MED26: variants seen among roughly 807,000 people sequenced by gnomAD.
MED26 encodes mediator of RNA polymerase II transcription subunit 26.
In MED26, 7 loss-of-function variants were observed where a neutral mutation model predicts 43.7. The ratio of observed to expected loss-of-function variants is 0.16; its 90% CI spans 0.09 to 0.30. MED26 has a LOEUF of 0.30. Ranked by LOEUF, MED26 falls within the 10% of genes least tolerant of loss-of-function variation. MED26 has a pLI of 1.00. For missense variants in MED26, 784 were observed against 840.6 expected (o/e 0.93, Z 0.83); for synonymous variants, 375 against 371.1 (o/e 1.01, Z -0.12).
At chr19:16,625,486 T>G (rs2086270223) in intron 1 of MED26, among the ~76,000 whole-genome samples, 1 of 151,900 alleles carries the variant, frequency 6.6e-6, no homozygotes, top group African/African-American at 2.4e-5. Flanking sequence ...CACAATTCTC[T>G]GCCGCTTCTC....
In MED26 at chr19:16,577,874, T is replaced by G; in HGVS notation, c.148-192A>C. ...TGACAATATAAATTCTCAAACCTAGTTCCCAGACCTTCAGGGTCCCAGGTG... is the reference window on the plus strand; with the variant it reads ...TGACAATATAAATTCTCAAACCTAGGTCCCAGACCTTCAGGGTCCCAGGTG... On this transcript the variant is annotated intron_variant, in intron 2 of 2. Coordinates refer to ENST00000263390, the MANE Select transcript of MED26 (RefSeq NM_004831.5). The surrounding 1 kb of genome is among the most constrained non-coding windows in gnomAD (Gnocchi z 8.1). The G allele has an allele frequency of 3.8e-6, 2 of 521,070 alleles. No individual in the cohort carries two copies. The highest frequency in any genetic ancestry group is 6.7e-6 in the Non-Finnish European group (2 of 298,054). The allele number at this position is 521,070 out of a possible 1,614,324, so 32.3% of individuals were successfully genotyped here.
At chr19:16,613,491 G>C (rs2086209043) in intron 1 of MED26, among the ~76,000 whole-genome samples, 1 of 152,118 alleles carries the variant, frequency 6.6e-6, no homozygotes, top group African/African-American at 2.4e-5. Flanking sequence ...GGTGGAAAAA[G>C]ACAGCAGAGT....
At position 16,576,474 on chromosome 19, in the gene MED26, C is replaced by A; in HGVS notation, c.1356G>T (p.Glu452Asp). The A allele has an allele frequency of 6.2e-7, 1 of 1,614,174 alleles. No individual in the cohort carries two copies. The highest frequency in any genetic ancestry group is 8.5e-7 in the Non-Finnish European group (1 of 1,180,026). The change falls in exon 3 of 3, where the codon GAG becomes GAT. Residue 452 changes from glutamate (E) to aspartate (D), a missense_variant. By Grantham distance (45) the Glu-to-Asp change is conservative (BLOSUM62 2). Coordinates refer to ENST00000263390, the MANE Select transcript of MED26 (RefSeq NM_004831.5). This position sits in a 1 kb window ranked among gnomAD's most constrained non-coding sequence, Gnocchi z 6.8. Reference sequence around the variant, plus strand: ...TGTCCAGCTCTGTCCTGGACTGCTGCTCCATGTGCACAGGGCTGTCTGCCC... The same window carrying A: ...TGTCCAGCTCTGTCCTGGACTGCTGATCCATGTGCACAGGGCTGTCTGCCC... ...PVRADSPVHM[E>D]QQSRTELDKQ...
At chr19:16,581,089 G>A (rs564419098) in intron 1 of MED26, among the ~76,000 whole-genome samples, 7 of 152,258 alleles carry the variant, frequency 4.6e-5, no homozygotes, top group East Asian at 1.9e-4. Context: ...CTCCCTTCCC[G>A]TGTTGTCTCC....
intron 1 of MED26, chr19:16,611,770 G>A (rs1319809499): frequency 6.6e-6 from 1 of 151,968 alleles, no homozygotes; most frequent in Non-Finnish European, 1.5e-5. Flanking sequence ...TTGACTCTGT[G>A]GATGCACCAT....
chr19:16,584,148 G>A (rs1317899462), intron 1 of MED26, among the ~76,000 whole-genome samples: 3 of 152,026 alleles, frequency 2.0e-5, no homozygotes, highest in Non-Finnish European at 4.4e-5. Context: ...AGCTACTCGG[G>A]AGGCTGAGGC....
In MED26 at chr19:16,627,993, G is replaced by A; in HGVS notation, c.-50C>T. 8.0e-7 allele frequency: 1 copy of A among 1,251,914 alleles called. No homozygotes were observed. The highest frequency in any genetic ancestry group is 1.5e-5 in the African/African-American group (1 of 64,518). The allele number at this position is 1,251,914 out of a possible 1,614,324, so 77.6% of individuals were successfully genotyped here. ...GGCCGGGCCAGCGGGCGGGCGGGCT[G>A]AGGCGGGGGACGGGGGTCACTCACT... is the stretch of plus-strand genomic sequence containing the variant. On this transcript the variant is annotated 5_prime_UTR_variant, in exon 1 of 3. Coordinates refer to ENST00000263390, the MANE Select transcript of MED26 (RefSeq NM_004831.5).
At chr19:16,615,136 G>T (rs550983238) in intron 1 of MED26, among the ~76,000 whole-genome samples, 1 of 152,202 alleles carries the variant, frequency 6.6e-6, no homozygotes, top group African/African-American at 2.4e-5. Context: ...AGCACTGCGG[G>T]AAAGATCAGA....
At chr19:16,584,210 G>A (rs1194041371) in intron 1 of MED26, among the ~76,000 whole-genome samples, 3 of 149,664 alleles carry the variant, frequency 2.0e-5, no homozygotes, top group Non-Finnish European at 4.4e-5. Flanking sequence ...CTGAGATCAC[G>A]CCACTGCACT....
chr19:16,576,905 C>T lies in MED26; in HGVS notation c.925G>A (p.Ala309Thr). The T allele has an allele frequency of 6.2e-7, 1 of 1,602,364 alleles. No homozygotes were observed. Among genetic ancestry groups the T allele is most frequent in the Non-Finnish European group, 8.5e-7 (1 of 1,173,434 alleles). The change falls in exon 3 of 3, where the codon GCC (alanine) becomes ACC (threonine). Residue 309 changes from alanine (A) to threonine (T), a missense_variant. By Grantham distance (58) the Ala-to-Thr change is moderately conservative (BLOSUM62 0). This residue lies in a region of MED26 where 719 missense variants were observed against 730.9 expected (regional missense o/e 0.98). Transcript: ENST00000263390. The surrounding 1 kb of genome is among the most constrained non-coding windows in gnomAD (Gnocchi z 6.8). ...SPSPRPQALD[A>T]TQVPSPLPLA... ...GGAAGCGGTGACGGCACCTGTGTGG[C>T]ATCGAGTGCCTGGGGCCGCGGTGAG...
chr19:16,576,670 CCT>C lies in MED26; in HGVS notation c.1158_1159del (p.Gly388LeufsTer4). 6.2e-7 allele frequency: 1 copy of C among 1,614,130 alleles called. No homozygotes were observed. Among genetic ancestry groups the C allele is most frequent in the South Asian group, 1.1e-5 (1 of 91,086 alleles). On this transcript the variant is annotated frameshift_variant, in exon 3 of 3. Coordinates refer to ENST00000263390, the MANE Select transcript of MED26 (RefSeq NM_004831.5). LOFTEE classifies it high-confidence loss of function. This position sits in a 1 kb window ranked among gnomAD's most constrained non-coding sequence, Gnocchi z 6.8. ...CTTCTTCTTTTTACTGTCCGAGCCC[CCT>C]GAGGAGGCAGCATCACTGTCCGCCT...
At chr19:16,590,452 C>A (rs1165556790) in intron 1 of MED26, among the ~76,000 whole-genome samples, 1 of 152,190 alleles carries the variant, frequency 6.6e-6, no homozygotes, top group African/African-American at 2.4e-5. Flanking sequence ...TGAAGAAATG[C>A]CTCTTCTACT....
chr19:16,587,856 G>A lies in MED26; in HGVS notation c.73-9447C>T, dbSNP rs1281098385. The A allele has an allele frequency of 6.6e-6, 1 of 152,274 alleles. No individual in the cohort carries two copies. Among genetic ancestry groups the A allele is most frequent in the African/African-American group, 2.4e-5 (1 of 41,472 alleles). 9.4% of individuals were successfully genotyped at this position (152,274 alleles called of 1,614,324 possible). A position where few individuals can be genotyped will look rare whatever the true frequency, so the allele number is the denominator to read the frequency against. ...AACCCCATGAGCAACTCAGAAAGAG[G>A]AAGCCCAGGGCTTGGGGCAGAAGTA... On this transcript the variant is annotated intron_variant, in intron 1 of 2. Coordinates refer to ENST00000263390, the MANE Select transcript of MED26 (RefSeq NM_004831.5). This position sits in a 1 kb window ranked among gnomAD's most constrained non-coding sequence, Gnocchi z 4.9.
chr19:16,622,559 C>T (rs1388650962), intron 1 of MED26, among the ~76,000 whole-genome samples: 1 of 152,216 alleles, frequency 6.6e-6, no homozygotes, highest in East Asian at 1.9e-4. Context: ...ACACCCTGCT[C>T]TAAGAGTGAA....
chr19:16,593,206 G>A (rs1333586677), intron 1 of MED26, among the ~76,000 whole-genome samples: 3 of 152,238 alleles, frequency 2.0e-5, no homozygotes, highest in Admixed American at 6.5e-5. Context: ...ATATTTCATC[G>A]GCACCCTCTG....
chr19:16,622,291 G>C lies in MED26; in HGVS notation c.72+5581C>G, dbSNP rs142094562. On this transcript the variant is annotated intron_variant, in intron 1 of 2. Coordinates refer to ENST00000263390, the MANE Select transcript of MED26 (RefSeq NM_004831.5). ...CGGCACCCCACCCAAGCTCGTTCATGACCATGCTCTATCTGCCCTCCTCCC... is the reference window on the plus strand; with the variant it reads ...CGGCACCCCACCCAAGCTCGTTCATCACCATGCTCTATCTGCCCTCCTCCC... Among the ~76,000 whole-genome samples the C allele has an allele frequency of 1.9e-4, 29 of 152,274 alleles. No individual in the cohort carries two copies. In the East Asian group the frequency reaches 5.6e-3, roughly 29 times the overall value.
At chr19:16,622,966 T>C (rs546172715) in intron 1 of MED26, among the ~76,000 whole-genome samples, 3 of 152,278 alleles carry the variant, frequency 2.0e-5, no homozygotes, top group East Asian at 1.9e-4. Context: ...TTAAGCTACA[T>C]GTCCTATCTT....
intron 1 of MED26, chr19:16,588,420 C>G (rs1184659633): frequency 6.6e-6 from 1 of 152,318 alleles, no homozygotes; most frequent in African/African-American, 2.4e-5. Flanking sequence ...CTGCCAAGCA[C>G]AGAGATGCAC....
chr19:16,603,976 T>C (rs2086161417), intron 1 of MED26, among the ~76,000 whole-genome samples: 1 of 152,144 alleles, frequency 6.6e-6, no homozygotes, highest in Admixed American at 6.5e-5. Flanking sequence ...ACCCAGCACT[T>C]TCACTGCCTG....
Sources: gnomAD v4.1 joint callset for allele counts (sites outside exome capture counted in the v4.1 genomes callset) on GRCh38, gnomAD v4.1.1 for gene constraint, gnomAD v4.1.1 regional missense constraint, Gnocchi (gnomAD v3.1) non-coding constraint, MANE v1.5 for transcripts, NCBI Gene and HGNC (gene_info 2026-07-23, HGNC 2026-07-21) for gene names.